The following ENOX1 variants were observed in gnomAD, a reference collection of about 807,000 sequenced individuals.
The protein encoded by ENOX1 is ecto-NOX disulfide-thiol exchanger 1.
In ENOX1, 42 loss-of-function variants were observed where a neutral mutation model predicts 82.5. The observed-to-expected ratio is 0.51, with a 90% CI of 0.40 to 0.66. The LOEUF is 0.66. ENOX1 is among the 30% of genes least tolerant of loss of function. The probability of loss-of-function intolerance (pLI) is 0.00; values close to 1 mark genes in which losing one functional copy is unlikely to be tolerated. For missense variants in ENOX1, 608 were observed against 811.6 expected (o/e 0.75, Z 3.05); for synonymous variants, 271 against 282.2 (o/e 0.96, Z 0.40).
rs1555378498 is a variant in ENOX1, at chr13:43,760,875, AAC to A, written c.-285+25775_-285+25776del. Reference sequence around the variant, plus strand: ...CATTAAAGTGGAAAAAAAAAAAAAAAACAAGCAAACAAGCAAGCAGATGCCAC... The same window carrying A: ...CATTAAAGTGGAAAAAAAAAAAAAAAAAGCAAACAAGCAAGCAGATGCCAC... On this transcript the variant is annotated intron_variant, in intron 1 of 16. Transcript: ENST00000690772. Among the ~76,000 whole-genome samples the A allele has an allele frequency of 8.5e-3, 1,272 of 149,968 alleles. 17 individuals are homozygous for A. The highest frequency in any genetic ancestry group is 0.03 in the African/African-American group (1,209 of 40,436).
intron 2 of ENOX1, among the ~76,000 whole-genome samples, chr13:43,506,708 C>G (rs111467997): frequency 8.1e-6 from 1 of 123,536 alleles, no homozygotes; most frequent in Non-Finnish European, 1.9e-5. Flanking sequence ...AAGCTGGAAA[C>G]CATCATTCTC....
intron 1 of ENOX1, among the ~76,000 whole-genome samples, chr13:43,766,900 C>T (rs992469303): frequency 6.6e-6 from 1 of 152,038 alleles, no homozygotes; most frequent in Non-Finnish European, 1.5e-5. Context: ...GCAGCTGTAT[C>T]CAACTCTCAG....
At chr13:43,271,935 A>C (rs2044709717) in intron 12 of ENOX1, among the ~76,000 whole-genome samples, 1 of 151,680 alleles carries the variant, frequency 6.6e-6, no homozygotes, top group South Asian at 2.1e-4. Context: ...ATTGTTTGCT[A>C]TGTTTTAAAT....
chr13:43,542,724 C>T (rs753011192), intron 2 of ENOX1, among the ~76,000 whole-genome samples: 9 of 152,186 alleles, frequency 5.9e-5, no homozygotes, highest in Admixed American at 2.0e-4. Flanking sequence ...GCGTGAGCCA[C>T]GGTGCCAGCC....
chr13:43,436,044 C>T (rs571569001), intron 3 of ENOX1, among the ~76,000 whole-genome samples: 2 of 152,050 alleles, frequency 1.3e-5, no homozygotes, highest in African/African-American at 4.8e-5. Context: ...TTGGAGGCTG[C>T]TGAAAGGACA....
At chr13:43,556,797 T>C (rs2079457412) in intron 2 of ENOX1, among the ~76,000 whole-genome samples, 1 of 152,012 alleles carries the variant, frequency 6.6e-6, no homozygotes, top group African/African-American at 2.4e-5. Flanking sequence ...TAGCTAACAT[T>C]AGAAGATGTA....
At chr13:43,382,411 AAGGT>A (rs2052114265) in intron 5 of ENOX1, among the ~76,000 whole-genome samples, 2 of 152,198 alleles carry the variant, frequency 1.3e-5, no homozygotes, top group Non-Finnish European at 2.9e-5. Flanking sequence ...ATTTCTTCAT[AAGGT>A]CAGAAACAAG....
At chr13:43,736,290 C>A (rs1257621051) in intron 1 of ENOX1, among the ~76,000 whole-genome samples, 1 of 152,120 alleles carries the variant, frequency 6.6e-6, no homozygotes, top group East Asian at 1.9e-4. Flanking sequence ...TGGTAGTTTG[C>A]TTATTTCCTC....
At chr13:43,312,547 T>C (rs1050238413) in intron 11 of ENOX1, among the ~76,000 whole-genome samples, 4 of 152,188 alleles carry the variant, frequency 2.6e-5, no homozygotes, top group Admixed American at 6.5e-5. Flanking sequence ...CTTTATCTTT[T>C]TGGGGACTTA....
intron 2 of ENOX1, among the ~76,000 whole-genome samples, chr13:43,588,231 C>T (rs2153723516): frequency 6.6e-6 from 1 of 152,232 alleles, no homozygotes; most frequent in Admixed American, 6.5e-5. Context: ...TTTTGACATA[C>T]TTTCATGACA....
chr13:43,531,171 C>T (rs1263594768), intron 2 of ENOX1, among the ~76,000 whole-genome samples: 1 of 151,686 alleles, frequency 6.6e-6, no homozygotes, highest in Non-Finnish European at 1.5e-5. Flanking sequence ...TTTATACTTT[C>T]CTTAAATTTT....
At chr13:43,484,960 T>C (rs959199605) in intron 2 of ENOX1, among the ~76,000 whole-genome samples, 1 of 152,212 alleles carries the variant, frequency 6.6e-6, no homozygotes, top group African/African-American at 2.4e-5. Context: ...ACATCAAGGC[T>C]GGCACTGCAA....
chr13:43,627,010 G>GT (rs34028033), intron 2 of ENOX1, among the ~76,000 whole-genome samples: 5,413 of 151,904 alleles, frequency 0.036, 297 homozygotes, highest in African/African-American at 0.12. Context: ...TATCTTCCTA[G>GT]TAGATTGACC....
intron 9 of ENOX1, among the ~76,000 whole-genome samples, chr13:43,328,813 A>G (rs912253250): frequency 6.6e-6 from 1 of 152,242 alleles, no homozygotes; most frequent in Non-Finnish European, 1.5e-5. Flanking sequence ...ATCCCAAGGC[A>G]TAAGTTCAGT....
chr13:43,477,885 G>A (rs372418006), intron 3 of ENOX1, among the ~76,000 whole-genome samples: 5 of 152,076 alleles, frequency 3.3e-5, no homozygotes, highest in East Asian at 3.9e-4. Flanking sequence ...TAAGCTCCTC[G>A]CAAAGACTTC....
intron 16 of ENOX1, among the ~76,000 whole-genome samples, chr13:43,216,809 G>T (rs1400619431): frequency 1.3e-5 from 2 of 152,176 alleles, no homozygotes; most frequent in African/African-American, 4.8e-5. Flanking sequence ...AAGTTTTTGA[G>T]GGTAAAATAA....
At chr13:43,603,095 C>T (rs1346385098) in intron 2 of ENOX1, among the ~76,000 whole-genome samples, 7 of 151,946 alleles carry the variant, frequency 4.6e-5, no homozygotes, top group Non-Finnish European at 8.8e-5. Context: ...AATCATCCAT[C>T]ATCTCACTAT....
chr13:43,287,340 C>A (rs1258165979), intron 12 of ENOX1, among the ~76,000 whole-genome samples: 2 of 152,160 alleles, frequency 1.3e-5, no homozygotes, highest in African/African-American at 4.8e-5. Flanking sequence ...GCCTCAACAT[C>A]TTTTCATATT....
At chr13:43,535,045 G>T (rs990557602) in intron 2 of ENOX1, among the ~76,000 whole-genome samples, 1 of 152,122 alleles carries the variant, frequency 6.6e-6, no homozygotes, top group Non-Finnish European at 1.5e-5. Flanking sequence ...TCTACTAGTT[G>T]TGTGACCTTT....
Sources: gnomAD v4.1 joint callset for allele counts (sites outside exome capture counted in the v4.1 genomes callset) on GRCh38, gnomAD v4.1.1 for gene constraint, MANE v1.5 for transcripts, NCBI Gene and HGNC (gene_info 2026-07-23, HGNC 2026-07-21) for gene names.